The following ZNF804A variants were observed in gnomAD, a reference collection of about 807,000 sequenced individuals.
ZNF804A encodes the protein zinc finger protein 804A.
Under a neutral mutation model 16.5 loss-of-function variants are expected in ZNF804A, and 2 were observed. The ratio of observed to expected loss-of-function variants is 0.12; its 90% CI spans 0.05 to 0.38. The LOEUF (loss-of-function observed/expected upper bound fraction) is 0.38, where lower values mean the gene tolerates loss of function less well. Among genes scored for constraint, ZNF804A ranks in the 10% least tolerant of loss-of-function variants. The pLI, the probability that ZNF804A is intolerant of heterozygous loss-of-function variation, is 0.99. For missense variants in ZNF804A, 1,473 were observed against 1,390.7 expected (o/e 1.06, Z -0.94); for synonymous variants, 534 against 489.6 (o/e 1.09, Z -1.20).
intron 1 of ZNF804A, among the ~76,000 whole-genome samples, chr2:184,715,086 A>T (rs1016623917): frequency 2.0e-5 from 3 of 152,142 alleles, no homozygotes; most frequent in African/African-American, 7.2e-5. Context: ...GCCTAAGGAA[A>T]ATCTTGGACA....
chr2:184,793,379 A>T (rs563322013), intron 1 of ZNF804A, among the ~76,000 whole-genome samples: 3 of 152,202 alleles, frequency 2.0e-5, no homozygotes, highest in Admixed American at 6.5e-5. Flanking sequence ...GGCTTAATTT[A>T]CATTTCCACC....
chr2:184,726,107 T>C (rs1693405832), intron 1 of ZNF804A, among the ~76,000 whole-genome samples: 1 of 151,684 alleles, frequency 6.6e-6, no homozygotes, highest in Admixed American at 6.6e-5. Context: ...ATATACATGC[T>C]TTTGTAAAGA....
intron 1 of ZNF804A, among the ~76,000 whole-genome samples, chr2:184,645,504 A>G (rs189275444): frequency 1.5e-4 from 23 of 152,298 alleles, no homozygotes; most frequent in Admixed American, 3.9e-4. Flanking sequence ...CATTTATTAG[A>G]TATAGCTGTT....
rs577393016 is a variant in ZNF804A at position 184,667,901 on chromosome 2, AATT to A, written c.111+68836_111+68838del. On this transcript the variant is annotated intron_variant, in intron 1 of 3. Transcript: ENST00000302277. ...TATCTGTGTTTTCATAATATCTTCA[AATT>A]ATTAAGTCTATTTCAAAATAATGAA... 1.7e-3 allele frequency among the ~76,000 whole-genome samples: 259 copies of A among 151,922 alleles called. 2 individuals carry two copies. The highest frequency in any genetic ancestry group is 5.9e-3 in the African/African-American group (245 of 41,546).
chr2:184,781,330 G>T (rs1574209390), intron 1 of ZNF804A, among the ~76,000 whole-genome samples: 1 of 151,510 alleles, frequency 6.6e-6, no homozygotes, highest in Non-Finnish European at 1.5e-5. Context: ...GCTTATTTGG[G>T]CAATAAGGAA....
At chr2:184,917,067 A>T (rs1260849977) in intron 2 of ZNF804A, among the ~76,000 whole-genome samples, 1 of 152,102 alleles carries the variant, frequency 6.6e-6, no homozygotes, top group African/African-American at 2.4e-5. Flanking sequence ...ATATTATCTA[A>T]AAAATATTTT....
At chr2:184,890,768 T>C (rs747429818) in intron 2 of ZNF804A, among the ~76,000 whole-genome samples, 1 of 151,234 alleles carries the variant, frequency 6.6e-6, no homozygotes, top group African/African-American at 2.4e-5. Context: ...GTTTAAAAAA[T>C]TGATGTTTGA....
chr2:184,687,190 G>T (rs1290889616), intron 1 of ZNF804A, among the ~76,000 whole-genome samples: 1 of 152,134 alleles, frequency 6.6e-6, no homozygotes, highest in Non-Finnish European at 1.5e-5. Flanking sequence ...TCTTGAGTTA[G>T]TTTTTGCATA....
intron 1 of ZNF804A, among the ~76,000 whole-genome samples, chr2:184,699,491 A>C (rs1170429452): frequency 6.6e-6 from 1 of 152,104 alleles, no homozygotes; most frequent in Non-Finnish European, 1.5e-5. Flanking sequence ...GCCAAAATGC[A>C]TACCTTCATT....
chr2:184,879,220 A>C (rs1037198727), intron 2 of ZNF804A, among the ~76,000 whole-genome samples: 2 of 151,984 alleles, frequency 1.3e-5, no homozygotes, highest in African/African-American at 4.8e-5. Flanking sequence ...AATCTTGGTA[A>C]TTTGAGGTTG....
At chr2:184,688,582 C>T (rs553524406) in intron 1 of ZNF804A, among the ~76,000 whole-genome samples, 21 of 152,042 alleles carry the variant, frequency 1.4e-4, no homozygotes, top group South Asian at 1.0e-3. Context: ...TAACTATTTC[C>T]CACAATTTTA....
rs977438893 is a variant in ZNF804A, at chr2:184,938,185, A to G, written c.2789A>G (p.Asp930Gly). The change falls in exon 4 of 4, where the codon GAC (aspartate) becomes GGC (glycine). Residue 930 changes from aspartate (D) to glycine (G), a missense_variant. Transcript: ENST00000302277. ...VASAPTKEAI[D>G]NTLLEHKERS... ...AGTGCCCCAACAAAAGAAGCAATTG[A>G]CAATACCCTGCTTGAACACAAAGAA... 10 of 1,614,036 alleles carry G rather than the reference A, an allele frequency of 6.2e-6. No homozygotes were observed. The highest frequency in any genetic ancestry group is 1.6e-4 in the Middle Eastern group (1 of 6,082).
chr2:184,845,573 C>T (rs1695498804), intron 1 of ZNF804A, among the ~76,000 whole-genome samples: 1 of 152,076 alleles, frequency 6.6e-6, no homozygotes, highest in Non-Finnish European at 1.5e-5. Context: ...AATTCCTTCC[C>T]CTGGCTGGAA....
At chr2:184,643,020 T>C (rs566349731) in intron 1 of ZNF804A, among the ~76,000 whole-genome samples, 1 of 152,196 alleles carries the variant, frequency 6.6e-6, no homozygotes, top group African/African-American at 2.4e-5. Context: ...TAATAAATAC[T>C]CTATTTATCT....
chr2:184,628,867 A>G (rs926714086), intron 1 of ZNF804A, among the ~76,000 whole-genome samples: 45 of 152,298 alleles, frequency 3.0e-4, no homozygotes, highest in Admixed American at 1.3e-4. Flanking sequence ...CTCTGATAGC[A>G]GTAGGTTGGA....
chr2:184,670,799 T>A (rs1692329119), intron 1 of ZNF804A, among the ~76,000 whole-genome samples: 2 of 152,126 alleles, frequency 1.3e-5, no homozygotes, highest in South Asian at 4.1e-4. Flanking sequence ...TTTCTTTAAT[T>A]TTGATTATTC....
intron 1 of ZNF804A, among the ~76,000 whole-genome samples, chr2:184,716,215 AC>A (rs1301756720): frequency 1.3e-5 from 2 of 152,114 alleles, no homozygotes; most frequent in African/African-American, 4.8e-5. Context: ...ATAATTATAT[AC>A]CTTGCCATTT....
At position 184,774,089 on chromosome 2, in the gene ZNF804A, C is replaced by T. The variant is rs573387657; in HGVS notation, c.112-92280C>T. Among the ~76,000 whole-genome samples the T allele has an allele frequency of 5.9e-5, 9 of 151,866 alleles. No homozygotes were observed. The South Asian group carries it at 6.2e-4, about 11-fold the overall frequency. On this transcript the variant is annotated intron_variant, in intron 1 of 3. Transcript: ENST00000302277. The stretch of plus-strand genomic sequence containing the variant: ...TCTTAACAACTTTCCTAAAATCTTG[C>T]CTTTTTTAGGTATTTTGTGTATTTA...
At chr2:184,720,390 G>T (rs572682312) in intron 1 of ZNF804A, among the ~76,000 whole-genome samples, 1 of 152,152 alleles carries the variant, frequency 6.6e-6, no homozygotes, top group Non-Finnish European at 1.5e-5. Flanking sequence ...TTTTAGATCT[G>T]ATAAATAAAT....
Sources: gnomAD v4.1 joint callset for allele counts (sites outside exome capture counted in the v4.1 genomes callset) on GRCh38, gnomAD v4.1.1 for gene constraint, MANE v1.5 for transcripts, NCBI Gene and HGNC (gene_info 2026-07-23, HGNC 2026-07-21) for gene names.